The following GRB10 variants were observed in gnomAD, a reference collection of about 807,000 sequenced individuals.
GRB10 encodes growth factor receptor bound protein 10.
A neutral mutation model predicts 80.9 loss-of-function variants in GRB10; 20 were observed. The observed-to-expected ratio is 0.25, with a 90% CI of 0.17 to 0.36. GRB10 has a LOEUF of 0.36. Among genes scored for constraint, GRB10 ranks in the 10% least tolerant of loss-of-function variants. The probability of loss-of-function intolerance (pLI) is 1.00; values close to 1 mark genes in which losing one functional copy is unlikely to be tolerated. For synonymous variants in GRB10, 291 were observed against 291.5 expected (o/e 1.00, Z 0.02); for missense variants, 548 against 747.7 (o/e 0.73, Z 3.12).
chr7:50,769,132 G>C (rs890859883), intron 2 of GRB10, among the ~76,000 whole-genome samples: 2 of 152,170 alleles, frequency 1.3e-5, no homozygotes, highest in Non-Finnish European at 2.9e-5. Context: ...TCTAATCAAA[G>C]CTAATTCAAA....
intron 5 of GRB10, among the ~76,000 whole-genome samples, chr7:50,683,605 T>C (rs1001578528): frequency 2.0e-5 from 3 of 151,994 alleles, no homozygotes; most frequent in African/African-American, 7.3e-5. Flanking sequence ...GGTGTGGTGG[T>C]GTGCACCTGT....
intron 3 of GRB10, among the ~76,000 whole-genome samples, chr7:50,751,734 TA>T (rs1225127979): frequency 1.3e-5 from 2 of 152,214 alleles, no homozygotes; most frequent in African/African-American, 4.8e-5. Flanking sequence ...TTGAGCTGGT[TA>T]AAAAAAGAAT....
At chr7:50,731,177 C>T (rs551040983) in intron 4 of GRB10, among the ~76,000 whole-genome samples, 5 of 152,266 alleles carry the variant, frequency 3.3e-5, no homozygotes, top group Admixed American at 1.3e-4. Flanking sequence ...CCAAACTTTG[C>T]AGTTCGCTAA....
chr7:50,681,159 G>A (rs768851759), intron 5 of GRB10, among the ~76,000 whole-genome samples: 6 of 152,196 alleles, frequency 3.9e-5, no homozygotes, highest in South Asian at 4.1e-4. Flanking sequence ...ACTAAGAAGC[G>A]ACTGAGAGCC....
intron 3 of GRB10, among the ~76,000 whole-genome samples, chr7:50,737,638 CAGG>C (rs1280091134): frequency 2.0e-5 from 3 of 152,244 alleles, no homozygotes; most frequent in Admixed American, 6.5e-5. Context: ...CACCTGAGGT[CAGG>C]AGTTCAAGAC....
chr7:50,742,277 A>G (rs943016596), intron 3 of GRB10, among the ~76,000 whole-genome samples: 1,084 of 13,234 alleles, frequency 0.082, 3 homozygotes, highest in Non-Finnish European at 0.1. Context: ...GCGCGCACAC[A>G]CACACACACA....
chr7:50,614,788 G>T lies in GRB10; in HGVS notation c.1077C>A (p.Asp359Glu). 1.9e-6 allele frequency: 3 copies of T among 1,613,248 alleles called. No individual in the cohort carries two copies. The highest frequency in any genetic ancestry group is 1.7e-6 in the Non-Finnish European group (2 of 1,179,254). ...AGRKQYNAPT[D>E]HGLCIKPNKV... ...TGGGTACCTTTATGCAGAGCCCGTG[G>T]TCTGTAGGGGCGTTGTACTGCTTCC... The change falls in exon 12 of 19, where the codon GAC (aspartate) becomes GAA (glutamate). Residue 359 changes from aspartate to glutamate, a missense_variant. Around this residue, in one of 4 missense-constraint regions of GRB10, gnomAD observed 270 missense variants for 433.6 expected, o/e 0.62. Coordinates refer to ENST00000401949, the MANE Select transcript of GRB10 (RefSeq NM_001350814.2).
chr7:50,690,667 T>C (rs78283854), intron 5 of GRB10, among the ~76,000 whole-genome samples: 1,831 of 144,672 alleles, frequency 0.013, 22 homozygotes, highest in Non-Finnish European at 0.02. Flanking sequence ...GTTTCACAAA[T>C]GAATGAACGA....
chr7:50,684,267 C>CAAAAAAAAA (rs386410128), intron 5 of GRB10, among the ~76,000 whole-genome samples: 11 of 62,300 alleles, frequency 1.8e-4, no homozygotes, highest in East Asian at 1.5e-3. Context: ...CAATCATCAC[C>CAAAAAAAAA]AAAAAAAAAA....
intron 7 of GRB10, among the ~76,000 whole-genome samples, chr7:50,632,172 G>A (rs1176470626): frequency 6.6e-6 from 1 of 152,130 alleles, no homozygotes; most frequent in African/African-American, 2.4e-5. Flanking sequence ...TTAAATTAAT[G>A]ATATTATTTC....
chr7:50,760,582 G>C (rs2075652176), intron 2 of GRB10, among the ~76,000 whole-genome samples: 1 of 152,100 alleles, frequency 6.6e-6, no homozygotes, highest in African/African-American at 2.4e-5. Context: ...GTCAATCATA[G>C]AGCATTAAGG....
intron 3 of GRB10, among the ~76,000 whole-genome samples, chr7:50,742,842 A>G (rs2072141445): frequency 6.6e-6 from 1 of 152,182 alleles, no homozygotes; most frequent in South Asian, 2.1e-4. Context: ...GCAGGGGGAA[A>G]ATATTGGGGA....
intron 2 of GRB10, among the ~76,000 whole-genome samples, chr7:50,760,224 T>A (rs1343924542): frequency 6.6e-6 from 1 of 152,152 alleles, no homozygotes; most frequent in Non-Finnish European, 1.5e-5. Context: ...CATGCACACA[T>A]GCACAGAACA....
At chr7:50,608,673 G>A (rs1436840636) in intron 13 of GRB10, among the ~76,000 whole-genome samples, 1 of 152,096 alleles carries the variant, frequency 6.6e-6, no homozygotes, top group Non-Finnish European at 1.5e-5. Context: ...TAAGTTCAAG[G>A]GGCATGTTAG....
At chr7:50,758,367 C>T (rs1185723035) in intron 2 of GRB10, among the ~76,000 whole-genome samples, 2 of 152,136 alleles carry the variant, frequency 1.3e-5, no homozygotes, top group East Asian at 1.9e-4. Context: ...CAGTTAGATA[C>T]GACTTAAACT....
intron 2 of GRB10, 128 bp from the exon 3 acceptor site, chr7:50,756,184 A>G: frequency 5.0e-6 from 2 of 397,494 alleles, no homozygotes; most frequent in Admixed American, 4.4e-5. Flanking sequence ...AGATCATTTA[A>G]GAGTGTTCTG....
chr7:50,729,756 T>C (rs577780773), intron 4 of GRB10, among the ~76,000 whole-genome samples: 24 of 128,192 alleles, frequency 1.9e-4, no homozygotes, highest in African/African-American at 6.2e-4. Context: ...CGGCCCTCTC[T>C]CCCCCCGTTG....
chr7:50,711,960 C>T lies in GRB10; in HGVS notation c.52-8052G>A, dbSNP rs144972661. 2.6e-4 allele frequency among the ~76,000 whole-genome samples: 40 copies of T among 152,182 alleles called. No homozygotes were observed. In the East Asian group the frequency reaches 5.2e-3, roughly 20 times the overall value. On this transcript the variant is annotated intron_variant, in intron 4 of 18. Transcript: ENST00000401949. ...GCAGCTTGCCCAGCGAATCACATCTCGTAAGCGTGGGTGTGAGACCCATTG... is the reference window on the plus strand; with the variant it reads ...GCAGCTTGCCCAGCGAATCACATCTTGTAAGCGTGGGTGTGAGACCCATTG...
chr7:50,772,798 T>C (rs720845), intron 2 of GRB10, among the ~76,000 whole-genome samples: 8,054 of 152,220 alleles, frequency 0.053, 708 homozygotes, highest in African/African-American at 0.18. Context: ...CATAGGACAC[T>C]ACGAAGACAG....
Sources: allele counts gnomAD v4.1 joint callset (sites outside exome capture counted in the v4.1 genomes callset), GRCh38; gene constraint gnomAD v4.1.1; regional missense constraint gnomAD v4.1.1; transcripts MANE v1.5; gene names NCBI Gene and HGNC (gene_info 2026-07-23, HGNC 2026-07-21).